PDE5A: variants seen among roughly 807,000 people sequenced by gnomAD.
PDE5A encodes phosphodiesterase 5A.
A neutral mutation model predicts 110.2 loss-of-function variants in PDE5A; 67 were observed. The observed-to-expected ratio is 0.61, with a 90% CI of 0.50 to 0.75. PDE5A has a LOEUF of 0.75. PDE5A is among the 30% of genes least tolerant of loss of function. PDE5A has a pLI of 0.00. For missense variants in PDE5A, 862 were observed against 1,045.1 expected (o/e 0.82, Z 2.42); for synonymous variants, 328 against 351.2 (o/e 0.93, Z 0.74).
At chr4:119,612,132 G>A (rs1369123488) in intron 1 of PDE5A, among the ~76,000 whole-genome samples, 1 of 152,182 alleles carries the variant, frequency 6.6e-6, no homozygotes, top group Admixed American at 6.5e-5. Flanking sequence ...TAACCCCGAA[G>A]GTGATAGTAT....
intron 1 of PDE5A, 111 bp downstream of exon 1, chr4:119,628,409 G>T (rs1730440099): frequency 1.2e-6 from 1 of 828,092 alleles, no homozygotes. Context: ...CTCGTAACAG[G>T]ACCGAGGACC....
intron 12 of PDE5A, among the ~76,000 whole-genome samples, chr4:119,521,688 T>A (rs538426994): frequency 6.6e-6 from 1 of 151,474 alleles, no homozygotes; most frequent in South Asian, 2.1e-4. Context: ...TACAAAGAAG[T>A]AATTAAAAAA....
At chr4:119,585,275 CAA>C (rs10706998) in intron 3 of PDE5A, among the ~76,000 whole-genome samples, 106,560 of 135,360 alleles carry the variant, frequency 0.79, 41,615 homozygotes, top group East Asian at 0.93. Context: ...AACTCTGTCT[CAA>C]AAAAAAAAAA....
At chr4:119,539,170 G>A (rs1726834177) in intron 10 of PDE5A, 151 bp from the exon 11 acceptor site, 1 of 652,010 alleles carries the variant, frequency 1.5e-6, no homozygotes, top group South Asian at 1.9e-5. Flanking sequence ...CTTCAACAGT[G>A]AAAAACCCAG....
At chr4:119,596,720 C>T (rs1729166240) in intron 2 of PDE5A, 108 bp from the exon 3 acceptor site, 1 of 512,426 alleles carries the variant, frequency 2.0e-6, no homozygotes, top group African/African-American at 2.0e-5. Context: ...TACCTTGTTA[C>T]TCTGAGTAAC....
chr4:119,620,394 A>G (rs1276434326), intron 1 of PDE5A, among the ~76,000 whole-genome samples: 3 of 152,202 alleles, frequency 2.0e-5, no homozygotes, highest in Non-Finnish European at 2.9e-5. Context: ...TTCAAATTTG[A>G]CTGAGAATTG....
chr4:119,517,381 A>C (rs1725948083), intron 14 of PDE5A, among the ~76,000 whole-genome samples: 1 of 151,526 alleles, frequency 6.6e-6, no homozygotes, highest in Admixed American at 6.6e-5. Flanking sequence ...TACTTTAAGT[A>C]TCACTCATTT....
chr4:119,541,840 A>G (rs1295956665), intron 10 of PDE5A: 1 of 152,136 alleles, frequency 6.6e-6, no homozygotes, highest in Admixed American at 6.6e-5. Flanking sequence ...CGCTACCTGC[A>G]CATTCAGAGT....
chr4:119,500,855 T>C (rs1725292251), intron 20 of PDE5A: 1 of 193,214 alleles, frequency 5.2e-6, no homozygotes, highest in Non-Finnish European at 1.0e-5. Context: ...GGCTAAAATT[T>C]AGACTTAAAA....
intron 14 of PDE5A, among the ~76,000 whole-genome samples, chr4:119,511,422 A>G (rs1249820163): frequency 6.6e-6 from 1 of 152,146 alleles, no homozygotes; most frequent in Non-Finnish European, 1.5e-5. Context: ...AGACAAAAAA[A>G]TTAATACCTC....
In PDE5A at chr4:119,498,541, C is replaced by T. The variant is rs1725171090; in HGVS notation, c.*60G>A. The T allele has an allele frequency of 6.3e-7, 1 of 1,586,560 alleles. No individual in the cohort carries two copies. On this transcript the variant is annotated 3_prime_UTR_variant, in exon 21 of 21. Transcript: ENST00000354960. ...CACTATACAGACAGTGTGTAAGAAACTAGGCATATTGCAGAACACACCATC... is the reference window on the plus strand; with the variant it reads ...CACTATACAGACAGTGTGTAAGAAATTAGGCATATTGCAGAACACACCATC...
rs1729158462 is a variant in PDE5A, at chr4:119,596,569, TTG to T, written c.783_784del (p.Tyr261Ter). The T allele has an allele frequency of 6.2e-7, 1 of 1,603,744 alleles. No individual in the cohort carries two copies. The highest frequency in any genetic ancestry group is 8.5e-7 in the Non-Finnish European group (1 of 1,175,042). On this transcript the variant is annotated stop_gained and frameshift_variant, in exon 3 of 21. Coordinates refer to ENST00000354960, the MANE Select transcript of PDE5A (RefSeq NM_001083.4). LOFTEE classifies it high-confidence loss of function. ...TGGCATACAAAGAATGCTTTGTGTC[TTG>T]TAGCCTGTAATTTGGTCAACTTCTG...
In PDE5A at chr4:119,568,198, T is replaced by G. The variant is rs115855523; in HGVS notation, c.832-1054A>C. Among the ~76,000 whole-genome samples, 1,239 of 152,218 alleles carry G rather than the reference T, an allele frequency of 8.1e-3. 11 individuals carry two copies. The highest frequency in any genetic ancestry group is 0.028 in the African/African-American group (1,183 of 41,550). Reference sequence around the variant, plus strand: ...TTAATTGTTTTTAAAAGCAGAATTATGCAATTATCCTATACCTTTTCATTT... The same window carrying G: ...TTAATTGTTTTTAAAAGCAGAATTAGGCAATTATCCTATACCTTTTCATTT... On this transcript the variant is annotated intron_variant, in intron 3 of 20. Coordinates refer to ENST00000354960, the MANE Select transcript of PDE5A (RefSeq NM_001083.4).
intron 14 of PDE5A, chr4:119,513,001 A>G (rs142781505): frequency 1.3e-5 from 2 of 151,992 alleles, no homozygotes; most frequent in Admixed American, 1.3e-4. Context: ...TTAGTTTATT[A>G]TATTTAATTT....
chr4:119,578,285 GCCATC>G (rs1728446857), intron 3 of PDE5A, among the ~76,000 whole-genome samples: 1 of 152,114 alleles, frequency 6.6e-6, no homozygotes, highest in South Asian at 2.1e-4. Flanking sequence ...CAGATTCAAT[GCCATC>G]CCCATCAAGC....
At chr4:119,500,701 CT>C in intron 20 of PDE5A, 1 of 152,482 alleles carries the variant, frequency 6.6e-6, no homozygotes, top group East Asian at 1.9e-4. Context: ...ACCACCCCCC[CT>C]CCAAAAGCCA....
chr4:119,573,230 T>C (rs757448088), intron 3 of PDE5A, among the ~76,000 whole-genome samples: 1 of 152,244 alleles, frequency 6.6e-6, no homozygotes. Flanking sequence ...TTTCTTCTTG[T>C]GCACATGTGC....
At position 119,547,751 on chromosome 4, in the gene PDE5A, A is replaced by G. The variant is rs1727182907; in HGVS notation, c.1396+4799T>C. ...TAAGTGAGTTTTTTCCTTCCAATTT[A>G]TCTTTTAATTATATATTAACAGTTT... On this transcript the variant is annotated intron_variant, in intron 9 of 20. Coordinates refer to ENST00000354960, the MANE Select transcript of PDE5A (RefSeq NM_001083.4). Among the ~76,000 whole-genome samples, 3 of 152,104 alleles carry G rather than the reference A, an allele frequency of 2.0e-5. No homozygotes were observed. The South Asian group carries it at 6.2e-4, about 32-fold the overall frequency.
intron 11 of PDE5A, chr4:119,538,732 A>T: frequency 2.3e-6 from 1 of 442,676 alleles, no homozygotes; most frequent in South Asian, 3.2e-5. Flanking sequence ...AAAAAGATGT[A>T]ATGATTATAA....
Sources: gnomAD v4.1 joint callset for allele counts (sites outside exome capture counted in the v4.1 genomes callset) on GRCh38, gnomAD v4.1.1 for gene constraint, MANE v1.5 for transcripts, NCBI Gene and HGNC (gene_info 2026-07-23, HGNC 2026-07-21) for gene names.